The following PCDHA5 variants were observed in gnomAD, a reference collection of about 807,000 sequenced individuals.
The protein encoded by PCDHA5 is protocadherin alpha-5.
PCDHA5 carries 43 observed loss-of-function variants against 61.6 expected under a neutral mutation model. The observed-to-expected ratio is 0.70, with a 90% CI of 0.55 to 0.90. PCDHA5 has a LOEUF of 0.90. Ranked by LOEUF, PCDHA5 falls within the 40% of genes least tolerant of loss-of-function variation. PCDHA5 has a pLI of 0.00. For missense variants in PCDHA5, 1,298 were observed against 1,222.7 expected (o/e 1.06, Z -0.92); for synonymous variants, 627 against 543.9 (o/e 1.15, Z -2.13).
intron 1 of PCDHA5, chr5:140,843,878 T>A (rs1234503395): frequency 5.4e-6 from 4 of 744,588 alleles, no homozygotes; most frequent in Non-Finnish European, 8.7e-6. Context: ...CTCAGTGGCA[T>A]AATACAGTAT....
rs73793505 is a variant in PCDHA5, at chr5:140,858,470, T to C, written c.2352+34343T>C. The C allele has an allele frequency of 3.2e-3, 4,807 of 1,519,778 alleles. 358 individuals are homozygous for C. In the African/African-American group the frequency reaches 0.058, roughly 18 times the overall value. 94.1% of individuals were successfully genotyped at this position (1,519,778 alleles called of 1,614,324 possible). A position where few individuals can be genotyped will look rare whatever the true frequency, so the allele number is the denominator to read the frequency against. On this transcript the variant is annotated intron_variant, in intron 1 of 3. Transcript: ENST00000529859. ...TTACGTTTTCATTTTCCTTTTGTGC[T>C]TTATGAATAATATTTTCTCTTACCG...
chr5:140,830,474 C>T (rs1771087062), intron 1 of PCDHA5: 1 of 1,550,922 alleles, frequency 6.4e-7, no homozygotes, highest in Non-Finnish European at 8.7e-7. Context: ...AAATGAAGAT[C>T]ATGATGCCAA....
intron 1 of PCDHA5, among the ~76,000 whole-genome samples, chr5:140,909,844 C>T (rs572833280): frequency 7.9e-5 from 12 of 152,276 alleles, no homozygotes; most frequent in African/African-American, 2.4e-4. Context: ...ACCACCAGGA[C>T]GTTTTCGGTC....
At chr5:141,008,843 G>A (rs1474787733) in intron 3 of PCDHA5, among the ~76,000 whole-genome samples, 7 of 152,114 alleles carry the variant, frequency 4.6e-5, no homozygotes, top group Non-Finnish European at 1.0e-4. Context: ...CTTACGCTGT[G>A]TATTCCCATC....
At chr5:140,836,073 G>C in intron 1 of PCDHA5, 1 of 1,613,652 alleles carries the variant, frequency 6.2e-7, no homozygotes. Flanking sequence ...CAACGCGCCG[G>C]CACTGCTGGC....
rs2150121871 is a variant in PCDHA5, at chr5:140,823,063, G to A, written c.1288G>A (p.Gly430Ser). The A allele has an allele frequency of 1.8e-5, 29 of 1,614,140 alleles. No homozygotes were observed. Among genetic ancestry groups the A allele is most frequent in the Non-Finnish European group, 2.5e-5 (29 of 1,180,050 alleles). ...YELVVTARDG[G>S]SPSLWATASV... ...GCTGGTGGTGACCGCGCGGGACGGG[G>A]GCTCGCCTTCGCTGTGGGCCACCGC... Residue 430 changes from glycine (G) to serine (S), a missense_variant, in exon 1 of 4, where the codon GGC (glycine) becomes AGC (serine). Transcript: ENST00000529859.
chr5:140,954,824 C>T (rs1167171102), intron 1 of PCDHA5, among the ~76,000 whole-genome samples: 2 of 152,068 alleles, frequency 1.3e-5, no homozygotes, highest in Non-Finnish European at 2.9e-5. Flanking sequence ...GCTTTAGGCA[C>T]TTTTGTCATG....
chr5:140,983,387 G>T (rs1417783796), intron 3 of PCDHA5, among the ~76,000 whole-genome samples: 1 of 152,188 alleles, frequency 6.6e-6, no homozygotes, highest in Non-Finnish European at 1.5e-5. Flanking sequence ...CGCTGTGGCA[G>T]TTTTCAGAAA....
intron 1 of PCDHA5, among the ~76,000 whole-genome samples, chr5:140,966,009 G>A (rs2153745631): frequency 6.6e-6 from 1 of 152,278 alleles, no homozygotes; most frequent in South Asian, 2.1e-4. Flanking sequence ...AGTGTCCAGG[G>A]AAGATGTGGG....
chr5:140,883,175 A>G lies in PCDHA5; in HGVS notation c.2352+59048A>G, dbSNP rs1554177014. ...CATAAATCCGAACAATGGAGAAATTAGGACAAAAGGCAAACTAGATTTCGA... is the reference window on the plus strand; with the variant it reads ...CATAAATCCGAACAATGGAGAAATTGGGACAAAAGGCAAACTAGATTTCGA... On this transcript the variant is annotated intron_variant, in intron 1 of 3. Coordinates refer to ENST00000529859, the MANE Select transcript of PCDHA5 (RefSeq NM_018908.3). 3 of 1,614,060 alleles carry G rather than the reference A, an allele frequency of 1.9e-6. No individual in the cohort carries two copies. Among genetic ancestry groups the G allele is most frequent in the East Asian group, 4.5e-5 (2 of 44,892 alleles).
chr5:140,969,210 C>T, intron 1 of PCDHA5: 10 of 1,614,184 alleles, frequency 6.2e-6, no homozygotes, highest in Non-Finnish European at 8.5e-6. Flanking sequence ...GGGGCCCAGA[C>T]AGGACCAGGG....
At chr5:140,883,760 CG>C (rs1160842473) in intron 1 of PCDHA5, 1 of 1,612,672 alleles carries the variant, frequency 6.2e-7, no homozygotes, top group Non-Finnish European at 8.5e-7. Context: ...GGTGGAGCGG[CG>C]GGTGGGCGAG....
Position 140,988,605 on chromosome 5 carries a change from A to G in PCDHA5, c.2500+6042A>G, listed in dbSNP as rs558232011. Among the ~76,000 whole-genome samples, 7 of 152,332 alleles carry G rather than the reference A, an allele frequency of 4.6e-5. No homozygotes were observed. In the East Asian group the frequency reaches 1.2e-3, roughly 25 times the overall value. On this transcript the variant is annotated intron_variant, in intron 3 of 3. Coordinates refer to ENST00000529859, the MANE Select transcript of PCDHA5 (RefSeq NM_018908.3). ...TTCCACTTTTAATGGTCATGTAAAT[A>G]AAAGACTAGAATGGAGATGTCCTGG...
intron 1 of PCDHA5, chr5:140,836,932 C>G: frequency 4.1e-6 from 2 of 485,222 alleles, no homozygotes; most frequent in Non-Finnish European, 3.5e-6. Context: ...ATGCGTAATA[C>G]TATAGATCAA....
intron 1 of PCDHA5, chr5:140,858,003 A>G: frequency 6.3e-7 from 1 of 1,596,628 alleles, no homozygotes; most frequent in Non-Finnish European, 8.6e-7. Flanking sequence ...CTGGTGAAGG[A>G]CCATGGCGAG....
intron 1 of PCDHA5, among the ~76,000 whole-genome samples, chr5:140,911,635 G>A (rs906127782): frequency 2.0e-5 from 3 of 152,148 alleles, no homozygotes; most frequent in African/African-American, 7.2e-5. Flanking sequence ...ATGGTCAAAG[G>A]TATTACATAT....
chr5:140,845,916 T>G (rs1288140729), intron 1 of PCDHA5, among the ~76,000 whole-genome samples: 2 of 149,722 alleles, frequency 1.3e-5, no homozygotes, highest in African/African-American at 4.9e-5. Context: ...ATTAATCTTA[T>G]TTTTGTGTAA....
At chr5:140,958,744 A>G (rs1421311606) in intron 1 of PCDHA5, among the ~76,000 whole-genome samples, 1 of 152,156 alleles carries the variant, frequency 6.6e-6, no homozygotes, top group Non-Finnish European at 1.5e-5. Context: ...AAAGAGAGAA[A>G]GGAGATTTTT....
intron 3 of PCDHA5, among the ~76,000 whole-genome samples, chr5:141,005,934 G>A (rs556608068): frequency 3.4e-4 from 52 of 151,912 alleles, no homozygotes; most frequent in Non-Finnish European, 7.2e-4. Context: ...TTGACAGAGT[G>A]AGAACCTATC....
Sources: allele counts gnomAD v4.1 joint callset (sites outside exome capture counted in the v4.1 genomes callset), GRCh38; gene constraint gnomAD v4.1.1; transcripts MANE v1.5; gene names NCBI Gene and HGNC (gene_info 2026-07-23, HGNC 2026-07-21).